Variants in FAM135B observed in about 807,000 individuals in gnomAD.
The protein encoded by FAM135B is protein FAM135B.
Under a neutral mutation model 127.7 loss-of-function variants are expected in FAM135B, and 43 were observed. The ratio of observed to expected loss-of-function variants is 0.34; its 90% CI spans 0.26 to 0.43. The LOEUF (loss-of-function observed/expected upper bound fraction) is 0.43. FAM135B is among the 20% of genes least tolerant of loss of function. The pLI is 1.00. For synonymous variants in FAM135B, 670 were observed against 665.1 expected, an observed-to-expected ratio of 1.01 and a Z score of -0.11; for missense variants, 1,558 against 1,725.6, an observed-to-expected ratio of 0.90 and a Z score of 1.72.
At chr8:138,438,028 C>T (rs1259454995) in intron 1 of FAM135B, 3 of 152,116 alleles carry the variant, frequency 2.0e-5, no homozygotes, top group African/African-American at 4.8e-5. Flanking sequence ...TGCTTCAATT[C>T]GCTCACCTGT....
At chr8:138,327,414 T>C (rs1468575183) in intron 2 of FAM135B, among the ~76,000 whole-genome samples, 1 of 152,202 alleles carries the variant, frequency 6.6e-6, no homozygotes, top group East Asian at 1.9e-4. Flanking sequence ...TGCAAGGTCA[T>C]GGTTATGAAA....
chr8:138,353,180 C>T (rs1018259216), intron 2 of FAM135B, among the ~76,000 whole-genome samples: 15 of 152,144 alleles, frequency 9.9e-5, no homozygotes, highest in Admixed American at 7.9e-4. Context: ...CTCTAGGAAG[C>T]CTTCTCTGTC....
chr8:138,143,129 C>CAGGT lies in FAM135B; in HGVS notation c.3541-24_3541-21dup. On this transcript the variant is annotated intron_variant, in intron 15 of 19. Coordinates refer to ENST00000395297, the MANE Select transcript of FAM135B (RefSeq NM_015912.4). ...GTCCATCTGGAAGAAGAGAGAGGAA[C>CAGGT]AGGTGTTGGGTATGGTTGTGGCGGG... is the stretch of plus-strand genomic sequence containing the variant. The CAGGT allele has an allele frequency of 7.0e-7, 1 of 1,425,646 alleles. No individual in the cohort carries two copies. Among genetic ancestry groups the CAGGT allele is most frequent in the South Asian group, 1.1e-5 (1 of 87,114 alleles). The allele number at this position is 1,425,646 out of a possible 1,614,324, so 88.3% of individuals were successfully genotyped here.
chr8:138,162,475 A>G (rs1207150326), intron 12 of FAM135B, among the ~76,000 whole-genome samples: 1 of 152,190 alleles, frequency 6.6e-6, no homozygotes, highest in Admixed American at 6.5e-5. Context: ...ACGTCAGTAG[A>G]GGTTCATCTG....
At chr8:138,413,480 T>G (rs1389507504) in intron 1 of FAM135B, among the ~76,000 whole-genome samples, 1 of 152,196 alleles carries the variant, frequency 6.6e-6, no homozygotes, top group Non-Finnish European at 1.5e-5. Context: ...CTCTGAGATC[T>G]CAGAAGAAAC....
intron 3 of FAM135B, among the ~76,000 whole-genome samples, chr8:138,283,246 G>C (rs1312859312): frequency 1.3e-5 from 2 of 152,108 alleles, no homozygotes; most frequent in Non-Finnish European, 2.9e-5. Context: ...ATAAACTGTG[G>C]TACGTCCATA....
rs765231155 is a variant in FAM135B, at chr8:138,152,940, C to A, written c.1535G>T (p.Gly512Val). Reference protein sequence around the residue: ...ISIGEFQNKAGVPEDECWTGQ... With the variant: ...ISIGEFQNKAVVPEDECWTGQ... ...AGTCCAACATTCATCTTCAGGCACA[C>A]CTGCTTTGTTTTGAAATTCACCAAT... Residue 512 changes from glycine (G) to valine (V), a missense_variant, in exon 13 of 20, where the codon GGT (glycine) becomes GTT (valine). Gly to Val is a moderately radical substitution (Grantham distance 109). This residue lies in a region of FAM135B where 923 missense variants were observed against 865.3 expected (regional missense o/e 1.07). Transcript: ENST00000395297. 3 of 1,614,190 alleles carry A rather than the reference C, an allele frequency of 1.9e-6. No homozygotes were observed. Among genetic ancestry groups the A allele is most frequent in the Non-Finnish European group, 2.5e-6 (3 of 1,180,040 alleles).
In FAM135B at chr8:138,138,921, T is replaced by C. The variant is rs1252957825; in HGVS notation, c.3901+65A>G. On this transcript the variant is annotated intron_variant, in intron 18 of 19. Transcript: ENST00000395297. ...GAATCAATGTAGCATTATATCTCATTTGTGTCTCAGGAGTTGAATCCCAAG... is the reference window on the plus strand; with the variant it reads ...GAATCAATGTAGCATTATATCTCATCTGTGTCTCAGGAGTTGAATCCCAAG... 6.0e-6 allele frequency: 6 copies of C among 996,208 alleles called. No homozygotes were observed. The African/African-American group carries it at 7.9e-5, about 13-fold the overall frequency. The allele number at this position is 996,208 out of a possible 1,614,324, so 61.7% of individuals were successfully genotyped here. A position where few individuals can be genotyped will look rare whatever the true frequency, so the allele number is the denominator to read the frequency against.
intron 7 of FAM135B, among the ~76,000 whole-genome samples, chr8:138,234,510 A>G (rs1423479710): frequency 6.6e-6 from 1 of 152,244 alleles, no homozygotes; most frequent in Non-Finnish European, 1.5e-5. Context: ...ACATATCTGT[A>G]TATACATACA....
At chr8:138,133,836 A>AC (rs749643859) in intron 19 of FAM135B, among the ~76,000 whole-genome samples, 15 of 150,782 alleles carry the variant, frequency 9.9e-5, no homozygotes, top group African/African-American at 2.7e-4. Flanking sequence ...GGACAGCTGG[A>AC]CCCCCCCATC....
intron 1 of FAM135B, among the ~76,000 whole-genome samples, chr8:138,404,695 A>C (rs1563973599): frequency 6.6e-6 from 1 of 152,150 alleles, no homozygotes; most frequent in African/African-American, 2.4e-5. Context: ...ATCTCAAGAC[A>C]CCACTTTCTT....
intron 1 of FAM135B, chr8:138,438,858 C>T (rs1307276762): frequency 6.6e-6 from 1 of 152,150 alleles, no homozygotes; most frequent in Non-Finnish European, 1.5e-5. Flanking sequence ...GCATTTTACT[C>T]CTTAGCATTT....
intron 3 of FAM135B, among the ~76,000 whole-genome samples, chr8:138,299,647 A>G (rs1825735126): frequency 6.6e-6 from 1 of 152,196 alleles, no homozygotes; most frequent in South Asian, 2.1e-4. Context: ...CAGAGTCAAA[A>G]TTAATAATGC....
intron 7 of FAM135B, among the ~76,000 whole-genome samples, chr8:138,219,138 C>G (rs746157368): frequency 8.5e-5 from 13 of 152,106 alleles, no homozygotes; most frequent in Admixed American, 2.6e-4. Context: ...CACTACTGTT[C>G]ATAGATGGAT....
At chr8:138,277,958 A>G (rs1823960819) in intron 3 of FAM135B, among the ~76,000 whole-genome samples, 1 of 152,080 alleles carries the variant, frequency 6.6e-6, no homozygotes, top group African/African-American at 2.4e-5. Context: ...CCTCTCTTGA[A>G]TAAATGTTAT....
At chr8:138,219,767 G>A (rs1254543827) in intron 7 of FAM135B, among the ~76,000 whole-genome samples, 2 of 151,862 alleles carry the variant, frequency 1.3e-5, no homozygotes, top group Admixed American at 6.6e-5. Flanking sequence ...CACGGATCAG[G>A]TTCTCCCTTG....
intron 11 of FAM135B, 32 bp from the exon 12 acceptor site, chr8:138,168,081 G>A (rs762224363): frequency 6.3e-7 from 1 of 1,589,350 alleles, no homozygotes; most frequent in Non-Finnish European, 8.6e-7. Context: ...GAGCGTCCAG[G>A]GAAGAGTCAG....
chr8:138,221,299 A>G (rs1451671979), intron 7 of FAM135B, among the ~76,000 whole-genome samples: 1 of 152,092 alleles, frequency 6.6e-6, no homozygotes, highest in Non-Finnish European at 1.5e-5. Context: ...AGCAATAGAG[A>G]GAGCAGGGAA....
chr8:138,335,651 AT>A (rs1453891578), intron 2 of FAM135B, among the ~76,000 whole-genome samples: 1 of 152,198 alleles, frequency 6.6e-6, no homozygotes, highest in African/African-American at 2.4e-5. Flanking sequence ...CCAAACAATA[AT>A]AATGGGAGAC....
Sources: gnomAD v4.1 joint callset for allele counts (sites outside exome capture counted in the v4.1 genomes callset) on GRCh38, gnomAD v4.1.1 for gene constraint, gnomAD v4.1.1 regional missense constraint, MANE v1.5 for transcripts, NCBI Gene and HGNC (gene_info 2026-07-23, HGNC 2026-07-21) for gene names.